Variants in TANC2 observed in about 807,000 individuals in gnomAD.
TANC2 encodes tetratricopeptide repeat, ankyrin repeat and coiled-coil containing 2.
TANC2 carries 26 observed loss-of-function variants against 210.5 expected under a neutral mutation model. The ratio of observed to expected loss-of-function variants is 0.12; its 90% CI spans 0.09 to 0.17. The LOEUF is 0.17. TANC2 is among the 10% of genes least tolerant of loss of function. The pLI, the probability that TANC2 is intolerant of heterozygous loss-of-function variation, is 1.00. For synonymous variants in TANC2, 931 were observed against 967.1 expected (o/e 0.96, Z 0.69); for missense variants, 2,129 against 2,608.9 (o/e 0.82, Z 4.01).
At chr17:63,411,712 G>A in intron 22 of TANC2, 26 bp downstream of exon 22, 1 of 1,586,544 alleles carries the variant, frequency 6.3e-7, no homozygotes, top group African/African-American at 1.3e-5. Flanking sequence ...CAAGCCTCAA[G>A]AGAGCAGAGA....
At chr17:63,302,438 T>C (rs905072694) in intron 9 of TANC2, among the ~76,000 whole-genome samples, 6 of 152,110 alleles carry the variant, frequency 3.9e-5, no homozygotes, top group African/African-American at 1.4e-4. Flanking sequence ...TCTAAGAATT[T>C]GTTTTATGAA....
intron 4 of TANC2, among the ~76,000 whole-genome samples, chr17:63,114,934 C>T (rs766986056): frequency 1.2e-4 from 18 of 152,132 alleles, no homozygotes; most frequent in Non-Finnish European, 1.9e-4. Context: ...TTAATCATGT[C>T]CTCATCCCAG....
chr17:63,194,151 G>T lies in TANC2; in HGVS notation c.582+12G>T. ...AGGATGAAAATCAGGTAAGCTGTTT[G>T]CTATCACCTTTGTGAAACATGGTGT... On this transcript the variant is annotated intron_variant, in intron 6 of 27. Transcript: ENST00000689528. 1 of 1,608,798 alleles carries T rather than the reference G, an allele frequency of 6.2e-7. No homozygotes were observed. Among genetic ancestry groups the T allele is most frequent in the Non-Finnish European group, 8.5e-7 (1 of 1,177,428 alleles).
chr17:63,208,887 T>C (rs1454087133), intron 7 of TANC2, among the ~76,000 whole-genome samples: 1 of 152,304 alleles, frequency 6.6e-6, no homozygotes, highest in South Asian at 2.1e-4. Flanking sequence ...AAATAATTTA[T>C]AGTTTTTTTG....
At chr17:63,302,349 C>G (rs2044746172) in intron 9 of TANC2, among the ~76,000 whole-genome samples, 1 of 151,900 alleles carries the variant, frequency 6.6e-6, no homozygotes, top group African/African-American at 2.4e-5. Flanking sequence ...TTTTCTGTCT[C>G]GTTGGTCTGT....
At chr17:63,280,334 A>G (rs1272291191) in intron 9 of TANC2, among the ~76,000 whole-genome samples, 1 of 152,002 alleles carries the variant, frequency 6.6e-6, no homozygotes, top group South Asian at 2.1e-4. Flanking sequence ...TAAACCCCAG[A>G]TATGTTTTTT....
At chr17:63,080,236 T>TA (rs1349239477) in intron 3 of TANC2, among the ~76,000 whole-genome samples, 1 of 152,196 alleles carries the variant, frequency 6.6e-6, no homozygotes, top group Non-Finnish European at 1.5e-5. Context: ...AATCTTGAGT[T>TA]ACTTTATCAG....
At chr17:63,402,950 G>T (rs759169571) in intron 19 of TANC2, among the ~76,000 whole-genome samples, 1 of 152,244 alleles carries the variant, frequency 6.6e-6, no homozygotes, top group Non-Finnish European at 1.5e-5. Flanking sequence ...GTTCTGAGAT[G>T]AAATTGGCCA....
At chr17:63,134,520 G>A (rs1207079018) in intron 4 of TANC2, among the ~76,000 whole-genome samples, 2 of 152,126 alleles carry the variant, frequency 1.3e-5, no homozygotes, top group African/African-American at 4.8e-5. Flanking sequence ...CCATATTTTA[G>A]TTTCTGTTCC....
At chr17:63,109,374 C>T (rs187013776) in intron 4 of TANC2, among the ~76,000 whole-genome samples, 1 of 151,610 alleles carries the variant, frequency 6.6e-6, no homozygotes, top group East Asian at 1.9e-4. Flanking sequence ...AGAAATTAGT[C>T]ACTAATCTTT....
intron 4 of TANC2, among the ~76,000 whole-genome samples, chr17:63,099,820 C>T (rs540953090): frequency 6.6e-6 from 1 of 152,188 alleles, no homozygotes; most frequent in East Asian, 1.9e-4. Flanking sequence ...TTTTCCTCTA[C>T]ACTGGACATT....
At chr17:63,267,959 A>G (rs2043580431) in intron 9 of TANC2, 86 bp downstream of exon 9, 2 of 1,449,470 alleles carry the variant, frequency 1.4e-6, no homozygotes, top group African/African-American at 1.4e-5. Flanking sequence ...TCCTATTCCC[A>G]TACTTACTTA....
chr17:63,183,886 G>A (rs1025305358), intron 5 of TANC2, among the ~76,000 whole-genome samples: 3 of 151,990 alleles, frequency 2.0e-5, no homozygotes, highest in East Asian at 1.9e-4. Flanking sequence ...GCGAGGTGGC[G>A]GGCACCTGTA....
intron 9 of TANC2, among the ~76,000 whole-genome samples, chr17:63,307,770 GTT>G (rs35701737): frequency 0.014 from 1,372 of 98,976 alleles, 16 homozygotes; most frequent in African/African-American, 0.097. Flanking sequence ...TGTTGTTGTT[GTT>G]TTGTTGTTTT....
chr17:62,971,254 G>T (rs1353256985), intron 1 of TANC2, among the ~76,000 whole-genome samples: 1 of 152,112 alleles, frequency 6.6e-6, no homozygotes, highest in African/African-American at 2.4e-5. Flanking sequence ...GCCACGGAGA[G>T]AAATAGGTTA....
In TANC2 at chr17:63,294,414, C is replaced by T. The variant is rs1598794021; in HGVS notation, c.1160-19974C>T. Among the ~76,000 whole-genome samples, 8 of 152,036 alleles carry T rather than the reference C, an allele frequency of 5.3e-5. No homozygotes were observed. In the South Asian group the frequency reaches 1.7e-3, roughly 32 times the overall value. ...GCTTGAGCCTGGGAGGTTGAGACTG[C>T]AGTGGGCTGTGATCACACCACCGCA... On this transcript the variant is annotated intron_variant, in intron 9 of 27. Coordinates refer to ENST00000689528, the Ensembl canonical transcript of TANC2.
rs375637172 is a variant in TANC2, at chr17:63,220,102, C to T, written c.770-17712C>T. On this transcript the variant is annotated intron_variant, in intron 7 of 27. Transcript: ENST00000689528. ...CGGAGGTCAGGCATTCGAGACCAGCCTGGCCAACATGGTGAAACCTCTCCT... is the reference window on the plus strand; with the variant it reads ...CGGAGGTCAGGCATTCGAGACCAGCTTGGCCAACATGGTGAAACCTCTCCT... 1.6e-4 allele frequency among the ~76,000 whole-genome samples: 24 copies of T among 152,184 alleles called. No homozygotes were observed. The South Asian group carries it at 4.8e-3, about 30-fold the overall frequency.
chr17:63,183,350 A>G (rs1242778990), intron 5 of TANC2, among the ~76,000 whole-genome samples: 1 of 152,270 alleles, frequency 6.6e-6, no homozygotes, highest in Non-Finnish European at 1.5e-5. Flanking sequence ...TCTTCCACAG[A>G]AATAATTTCT....
At chr17:63,121,497 G>T (rs1157401407) in intron 4 of TANC2, among the ~76,000 whole-genome samples, 1 of 152,002 alleles carries the variant, frequency 6.6e-6, no homozygotes, top group Non-Finnish European at 1.5e-5. Context: ...CTCCTTTAAG[G>T]CAAAGGCATT....
Sources: allele counts gnomAD v4.1 joint callset (sites outside exome capture counted in the v4.1 genomes callset), GRCh38; gene constraint gnomAD v4.1.1; transcripts MANE v1.5; gene names NCBI Gene and HGNC (gene_info 2026-07-23, HGNC 2026-07-21).